Variants in CEP164 observed in about 807,000 individuals in gnomAD.
The protein encoded by CEP164 is centrosomal protein of 164 kDa.
A neutral mutation model predicts 182.7 loss-of-function variants in CEP164; 162 were observed. The observed-to-expected ratio is 0.89, with a 90% CI of 0.78 to 1.01. CEP164 has a LOEUF of 1.01. Ranked by LOEUF, CEP164 falls within the 50% of genes least tolerant of loss-of-function variation. The probability of loss-of-function intolerance (pLI) is 0.00; values close to 1 mark genes in which losing one functional copy is unlikely to be tolerated. For synonymous variants in CEP164, 661 were observed against 690.0 expected (o/e 0.96, Z 0.66); for missense variants, 1,735 against 1,790.4 (o/e 0.97, Z 0.56).
intron 14 of CEP164, chr11:117,386,819 C>T (rs566922030): frequency 2.1e-4 from 44 of 213,986 alleles, no homozygotes; most frequent in Non-Finnish European, 3.5e-4. Flanking sequence ...AGAGCTCTAG[C>T]GGGGAGGTGG....
chr11:117,338,760 T>TG (rs2037603412), intron 3 of CEP164, 92 bp downstream of exon 3: 2 of 1,007,824 alleles, frequency 2.0e-6, no homozygotes, highest in African/African-American at 3.2e-5. Flanking sequence ...CAGTGCAAAG[T>TG]ATGGTACATG....
intron 24 of CEP164, 52 bp from the exon 25 acceptor site, chr11:117,396,002 C>T (rs2045393944): frequency 1.2e-6 from 2 of 1,605,680 alleles, no homozygotes; most frequent in South Asian, 1.1e-5. Flanking sequence ...CTTCACCCCT[C>T]CCCCCCATCG....
rs904086015 is a variant in CEP164, at chr11:117,338,622, G to T, written c.36G>T (p.Leu12=). 2 of 1,614,128 alleles carry T rather than the reference G, an allele frequency of 1.2e-6. No individual in the cohort carries two copies. Among genetic ancestry groups the T allele is most frequent in the Non-Finnish European group, 1.7e-6 (2 of 1,180,002 alleles). ...GACCCCTCCGCATAGGAGATCAGCT[G>T]GTTCTGGAAGAAGATTATGATGAGA... ...AGRPLRIGDQ[L]VLEEDYDETY... The change falls in exon 3 of 33, where the codon CTG becomes CTT. Residue 12 remains leucine (L), a synonymous_variant. Transcript: ENST00000278935.
intron 1 of CEP164, among the ~76,000 whole-genome samples, chr11:117,328,991 C>A (rs1208828358): frequency 6.6e-6 from 1 of 152,204 alleles, no homozygotes; most frequent in East Asian, 1.9e-4. Flanking sequence ...TGACTTAGTT[C>A]ATAATTTCTT....
chr11:117,353,547 C>CGAGA (rs2039932184), intron 5 of CEP164, among the ~76,000 whole-genome samples: 1 of 152,074 alleles, frequency 6.6e-6, no homozygotes, highest in African/African-American at 2.4e-5. Context: ...GGTAAAGGAC[C>CGAGA]GAGATGTAGA....
intron 3 of CEP164, 128 bp downstream of exon 3, chr11:117,338,796 T>G: frequency 1.4e-6 from 1 of 737,114 alleles, no homozygotes; most frequent in Non-Finnish European, 2.3e-6. Flanking sequence ...TATATTCGGG[T>G]TAGATCAAAT....
chr11:117,366,537 A>C (rs2041656188), intron 8 of CEP164, among the ~76,000 whole-genome samples: 1 of 152,228 alleles, frequency 6.6e-6, no homozygotes, highest in Non-Finnish European at 1.5e-5. Flanking sequence ...AGGCGAGCAG[A>C]CTTTATGTGG....
upstream of CEP164, among the ~76,000 whole-genome samples, chr11:117,326,613 C>A (rs982033530): frequency 1.3e-5 from 2 of 152,184 alleles, no homozygotes; most frequent in African/African-American, 2.4e-5. Context: ...AGAACCCTCT[C>A]TTCATGGTCT....
At chr11:117,376,769 A>T (rs749242164) in intron 11 of CEP164, among the ~76,000 whole-genome samples, 19 of 152,196 alleles carry the variant, frequency 1.2e-4, no homozygotes, top group African/African-American at 4.3e-4. Flanking sequence ...GATCTTGGTC[A>T]TCCTGTTTGC....
At position 117,411,718 on chromosome 11, in the gene CEP164, T is replaced by C. The variant is rs1354643105; in HGVS notation, c.4164-77T>C. The C allele has an allele frequency of 1.9e-6, 3 of 1,574,762 alleles. No individual in the cohort carries two copies. The highest frequency in any genetic ancestry group is 3.4e-5 in the Admixed American group (2 of 58,312). On this transcript the variant is annotated intron_variant, in intron 31 of 32. Transcript: ENST00000278935. The surrounding 1 kb of genome is among the most constrained non-coding windows in gnomAD (Gnocchi z 4.4). Reference sequence around the variant, plus strand: ...AGAGAAAGAGGGAGGAGGTGACAGATGTGATGGCCTCTGTGCATCCTCTGT... The same window carrying C: ...AGAGAAAGAGGGAGGAGGTGACAGACGTGATGGCCTCTGTGCATCCTCTGT...
rs558823667 is a variant in CEP164 at position 117,407,617 on chromosome 11, C to T, written c.3502-308C>T. On this transcript the variant is annotated intron_variant, in intron 27 of 32. Coordinates refer to ENST00000278935, the MANE Select transcript of CEP164 (RefSeq NM_014956.5). ...ACAATGAGTTGTAATCAGGCCACTG[C>T]ACTCCAGCCTGGGTGATGGTGAGAC... 2.7e-4 allele frequency among the ~76,000 whole-genome samples: 41 copies of T among 152,186 alleles called. 1 individual carries two copies. The highest frequency in any genetic ancestry group is 9.4e-4 in the African/African-American group (39 of 41,518).
rs144700298 is a variant in CEP164, at chr11:117,379,547, G to T, written c.1318-1067G>T. Among the ~76,000 whole-genome samples, 61 of 152,312 alleles carry T rather than the reference G, an allele frequency of 4.0e-4. 1 individual carries two copies. Among genetic ancestry groups the T allele is most frequent in the Non-Finnish European group, 7.8e-4 (53 of 68,034 alleles). On this transcript the variant is annotated intron_variant, in intron 11 of 32. Coordinates refer to ENST00000278935, the MANE Select transcript of CEP164 (RefSeq NM_014956.5). ...TTTTGTTTTTTACCTTAGGCTGGGG[G>T]AGAGGGAGAGGAATGTGGGAAGAGG...
At chr11:117,388,038 A>C (rs1427566313) in intron 15 of CEP164, among the ~76,000 whole-genome samples, 6 of 151,448 alleles carry the variant, frequency 4.0e-5, no homozygotes, top group Non-Finnish European at 8.8e-5. Flanking sequence ...GACACCTCCA[A>C]CCCCCTAGCA....
intron 5 of CEP164, among the ~76,000 whole-genome samples, chr11:117,352,226 G>T (rs514806): frequency 0.22 from 32,891 of 151,930 alleles, 3,715 homozygotes; most frequent in African/African-American, 0.27. Flanking sequence ...GGAAGTGCAT[G>T]TTACCTAATA....
intron 1 of CEP164, among the ~76,000 whole-genome samples, chr11:117,333,839 G>A (rs563696938): frequency 1.2e-3 from 187 of 152,202 alleles, no homozygotes; most frequent in Admixed American, 9.1e-3. Context: ...CCCAGCCCTA[G>A]TTCTGTTATG....
intron 8 of CEP164, among the ~76,000 whole-genome samples, chr11:117,365,701 T>C (rs912338724): frequency 2.0e-5 from 3 of 152,116 alleles, no homozygotes; most frequent in Non-Finnish European, 4.4e-5. Flanking sequence ...TGCCTTAGCC[T>C]CCTGAGTAGC....
chr11:117,343,052 G>T (rs139085622), intron 3 of CEP164, among the ~76,000 whole-genome samples: 2 of 151,624 alleles, frequency 1.3e-5, no homozygotes, highest in African/African-American at 4.8e-5. Context: ...CATATTTTTT[G>T]TAGAGATGGG....
At chr11:117,402,584 T>G (rs183387658) in intron 27 of CEP164, among the ~76,000 whole-genome samples, 5 of 152,362 alleles carry the variant, frequency 3.3e-5, no homozygotes, top group African/African-American at 1.2e-4. Context: ...CTGTTTGTTA[T>G]GATTTCCGTT....
At chr11:117,346,220 A>G (rs1392318204) in intron 4 of CEP164, among the ~76,000 whole-genome samples, 3 of 151,916 alleles carry the variant, frequency 2.0e-5, no homozygotes, top group Non-Finnish European at 1.5e-5. Flanking sequence ...TATACCTGCT[A>G]GTGGTGGCTA....
Sources: allele counts gnomAD v4.1 joint callset (sites outside exome capture counted in the v4.1 genomes callset), GRCh38; gene constraint gnomAD v4.1.1; non-coding constraint Gnocchi (gnomAD v3.1); transcripts MANE v1.5; gene names NCBI Gene and HGNC (gene_info 2026-07-23, HGNC 2026-07-21).